CTNND2: variants seen among roughly 807,000 people sequenced by gnomAD.
CTNND2 encodes catenin delta-2.
Under a neutral mutation model 144.4 loss-of-function variants are expected in CTNND2, and 22 were observed. The observed-to-expected ratio is 0.15, with a 90% CI of 0.11 to 0.22. The LOEUF (loss-of-function observed/expected upper bound fraction) is 0.22, where lower values mean the gene tolerates loss of function less well. CTNND2 is among the 10% of genes least tolerant of loss of function. The pLI is 1.00. For missense variants in CTNND2, 1,353 were observed against 1,618.8 expected, an observed-to-expected ratio of 0.84 and a Z score of 2.82; for synonymous variants, 751 against 695.6, an observed-to-expected ratio of 1.08 and a Z score of -1.25.
intron 15 of CTNND2, 114 bp from the exon 16 acceptor site, chr5:11,082,960 A>G (rs938138607): frequency 5.1e-6 from 6 of 1,182,418 alleles, no homozygotes; most frequent in Non-Finnish European, 7.1e-6. Context: ...TTGAATTACC[A>G]AGACCTAGTT....
intron 16 of CTNND2, among the ~76,000 whole-genome samples, chr5:11,053,131 A>C (rs1365803199): frequency 6.6e-6 from 1 of 152,238 alleles, no homozygotes; most frequent in African/African-American, 2.4e-5. Flanking sequence ...AGGCTGAGTT[A>C]ATCTCAGATG....
chr5:11,388,168 T>C (rs1759278713), intron 6 of CTNND2, among the ~76,000 whole-genome samples: 1 of 152,206 alleles, frequency 6.6e-6, no homozygotes, highest in South Asian at 2.1e-4. Context: ...TTATATACTG[T>C]TTAACATAGT....
intron 12 of CTNND2, among the ~76,000 whole-genome samples, chr5:11,153,201 G>GC (rs1017737210): frequency 2.0e-5 from 3 of 152,084 alleles, no homozygotes; most frequent in Non-Finnish European, 2.9e-5. Context: ...GGCAGAGGTT[G>GC]CAGTGAGCCG....
At chr5:11,600,603 G>A (rs1779736675) in intron 2 of CTNND2, among the ~76,000 whole-genome samples, 1 of 151,474 alleles carries the variant, frequency 6.6e-6, no homozygotes, top group Non-Finnish European at 1.5e-5. Flanking sequence ...CTACTTGGGA[G>A]GCTGAGACAA....
intron 17 of CTNND2, among the ~76,000 whole-genome samples, chr5:11,019,119 TAAAC>T (rs1167007848): frequency 2.0e-5 from 3 of 152,206 alleles, no homozygotes; most frequent in Non-Finnish European, 4.4e-5. Flanking sequence ...TTCTACAACA[TAAAC>T]AAAAATATTT....
chr5:11,391,368 G>A (rs557803430), intron 6 of CTNND2, among the ~76,000 whole-genome samples: 34 of 152,158 alleles, frequency 2.2e-4, no homozygotes, highest in African/African-American at 8.2e-4. Flanking sequence ...AAGGCGATTT[G>A]ATCTCACAAT....
chr5:11,667,671 T>C (rs141124039), intron 2 of CTNND2, among the ~76,000 whole-genome samples: 1,802 of 152,332 alleles, frequency 0.012, 28 homozygotes, highest in African/African-American at 0.042. Flanking sequence ...ATTAGCCCTT[T>C]GTCAGATGGA....
At chr5:11,184,248 A>G (rs1412720956) in intron 11 of CTNND2, among the ~76,000 whole-genome samples, 4 of 152,212 alleles carry the variant, frequency 2.6e-5, no homozygotes, top group Non-Finnish European at 4.4e-5. Context: ...GAGAAATGAA[A>G]GTAGCCTTTT....
chr5:11,095,977 G>A (rs761091111), intron 15 of CTNND2, among the ~76,000 whole-genome samples: 6 of 151,482 alleles, frequency 4.0e-5, no homozygotes, highest in Non-Finnish European at 7.4e-5. Flanking sequence ...TCTCTCATTT[G>A]GGGACTCCGT....
intron 1 of CTNND2, among the ~76,000 whole-genome samples, chr5:11,880,836 CACT>C (rs778000463): frequency 1.4e-4 from 17 of 119,448 alleles, no homozygotes; most frequent in Non-Finnish European, 1.4e-4. Flanking sequence ...CCACTACTAC[CACT>C]ACTACTACCA....
chr5:11,386,865 A>G (rs1218433915), intron 6 of CTNND2, among the ~76,000 whole-genome samples: 1 of 152,186 alleles, frequency 6.6e-6, no homozygotes, highest in Non-Finnish European at 1.5e-5. Flanking sequence ...AGGATGGGTA[A>G]CGAACACTAC....
intron 11 of CTNND2, among the ~76,000 whole-genome samples, chr5:11,170,930 C>T (rs1030237749): frequency 3.3e-5 from 5 of 152,162 alleles, no homozygotes; most frequent in Non-Finnish European, 7.3e-5. Context: ...TGCAGGGGAA[C>T]TGCCCTTTAT....
intron 19 of CTNND2, 69 bp downstream of exon 19, chr5:10,992,482 G>T (rs1014699464): frequency 3.7e-6 from 6 of 1,607,312 alleles, no homozygotes; most frequent in South Asian, 1.1e-5. Flanking sequence ...GTTGGCTCAC[G>T]GACTGGGAAG....
chr5:11,142,855 G>A (rs535131360), intron 12 of CTNND2, among the ~76,000 whole-genome samples: 6 of 152,048 alleles, frequency 3.9e-5, no homozygotes, highest in South Asian at 2.1e-4. Context: ...CTCGTGATCC[G>A]CCCGTCTCGG....
chr5:11,191,138 T>C (rs561941989), intron 11 of CTNND2, among the ~76,000 whole-genome samples: 1 of 152,290 alleles, frequency 6.6e-6, no homozygotes, highest in East Asian at 1.9e-4. Context: ...TGGCCTGCAG[T>C]GCACACAGCA....
intron 3 of CTNND2, among the ~76,000 whole-genome samples, chr5:11,529,404 G>T (rs540954660): frequency 6.6e-6 from 1 of 152,278 alleles, no homozygotes; most frequent in Admixed American, 6.5e-5. Flanking sequence ...ATTCAGAAAA[G>T]GAAACAAAAT....
At chr5:11,190,748 T>A (rs1736154840) in intron 11 of CTNND2, among the ~76,000 whole-genome samples, 2 of 152,236 alleles carry the variant, frequency 1.3e-5, no homozygotes, top group South Asian at 4.1e-4. Context: ...TGAGTAGTTG[T>A]AACAGAGACC....
chr5:11,704,511 T>A (rs1785603613), intron 2 of CTNND2, among the ~76,000 whole-genome samples: 1 of 152,118 alleles, frequency 6.6e-6, no homozygotes, highest in South Asian at 2.1e-4. Context: ...TGAACCCAAG[T>A]ACTTAGCATC....
chr5:11,268,413 T>C (rs935473930), intron 9 of CTNND2, among the ~76,000 whole-genome samples: 1 of 152,222 alleles, frequency 6.6e-6, no homozygotes, highest in East Asian at 1.9e-4. Context: ...TGAAACCTCA[T>C]CTCTACTAAA....
Sources: gnomAD v4.1 joint callset for allele counts (sites outside exome capture counted in the v4.1 genomes callset) on GRCh38, gnomAD v4.1.1 for gene constraint, MANE v1.5 for transcripts, NCBI Gene and HGNC (gene_info 2026-07-23, HGNC 2026-07-21) for gene names.